Variants in PNPLA7 observed in about 807,000 individuals in gnomAD.
The protein encoded by PNPLA7 is patatin like domain 7, lysophospholipase, also known as patatin-like phospholipase domain-containing protein 7.
In PNPLA7, 153 loss-of-function variants were observed where a neutral mutation model predicts 161.7. That is an observed-to-expected ratio of 0.95 (90% CI 0.83 to 1.08). The LOEUF is 1.08. Among genes scored for constraint, PNPLA7 ranks in the 50% least tolerant of loss-of-function variants. The pLI is 0.00. For missense variants in PNPLA7, 1,739 were observed against 1,856.6 expected (o/e 0.94, Z 1.16); for synonymous variants, 809 against 782.1 (o/e 1.03, Z -0.57).
rs775191146 is a variant in PNPLA7 at position 137,547,805 on chromosome 9, C to T, written c.31-146G>A. The T allele has an allele frequency of 7.6e-5, 58 of 762,034 alleles. No homozygotes were observed. Among genetic ancestry groups the T allele is most frequent in the Admixed American group, 4.5e-4 (19 of 42,578 alleles). 47.2% of individuals were successfully genotyped at this position (762,034 alleles called of 1,614,324 possible). On this transcript the variant is annotated intron_variant, in intron 1 of 34. Transcript: ENST00000406427. This position sits in a 1 kb window ranked among gnomAD's most constrained non-coding sequence, Gnocchi z 4.6. ...GAAGAAGTGATCTCGCCCGGGGTGC[C>T]GGGGTCCTCTGAGCCCCCTGCTAGG...
intron 30 of PNPLA7, 109 bp downstream of exon 30, chr9:137,462,576 C>T: frequency 2.0e-6 from 3 of 1,474,682 alleles, no homozygotes; most frequent in Non-Finnish European, 2.7e-6. Context: ...GGCCCCAGAC[C>T]TGCTGGCCTC....
chr9:137,542,879 G>A (rs1436069534), intron 6 of PNPLA7, 78 bp from the exon 7 acceptor site: 5 of 1,490,518 alleles, frequency 3.4e-6, no homozygotes, highest in South Asian at 2.5e-5. Context: ...GAGAGCACAC[G>A]GTCACTGACC....
At chr9:137,494,202 C>T (rs573518666) in intron 19 of PNPLA7, among the ~76,000 whole-genome samples, 13 of 152,326 alleles carry the variant, frequency 8.5e-5, no homozygotes, top group East Asian at 3.9e-4. Flanking sequence ...GCCCCTCTGC[C>T]GGTCCTTCCT....
chr9:137,550,251 C>A lies in PNPLA7; in HGVS notation c.-54G>T, dbSNP rs1369698080. 2 of 1,600,880 alleles carry A rather than the reference C, an allele frequency of 1.2e-6. No individual in the cohort carries two copies. Among genetic ancestry groups the A allele is most frequent in the Non-Finnish European group, 1.7e-6 (2 of 1,169,058 alleles). On this transcript the variant is annotated 5_prime_UTR_variant, in exon 1 of 35. Transcript: ENST00000406427. The stretch of plus-strand genomic sequence containing the variant: ...CGAAAAGCAGACAGCCTGAAGCAAA[C>A]AAGGGCACACCTCTACCCGCTCATG...
In PNPLA7 at chr9:137,478,149, C is replaced by A; in HGVS notation, c.2767G>T (p.Glu923Ter). Residue 923 changes from glutamate (E) to a stop codon, truncating the protein, a stop_gained, in exon 25 of 35, where the codon GAG (glutamate) becomes TAG (stop). Transcript: ENST00000406427. LOFTEE classifies it high-confidence loss of function. ...CGCTGGAAGACATGCTTGTACATCT[C>A]CACCTGGGGGAGGAGCCGTCAGGCA... is the stretch of plus-strand genomic sequence containing the variant. ...FSRRSLPKLV[E>*]MYKHVFQRPP... The A allele has an allele frequency of 7.7e-7, 1 of 1,299,460 alleles. No individual in the cohort carries two copies. The highest frequency in any genetic ancestry group is 9.9e-7 in the Non-Finnish European group (1 of 1,014,062). The allele number at this position is 1,299,460 out of a possible 1,614,324, so 80.5% of individuals were successfully genotyped here.
chr9:137,541,816 C>T lies in PNPLA7; in HGVS notation c.666+826G>A, dbSNP rs893073160. Among the ~76,000 whole-genome samples the T allele has an allele frequency of 6.6e-6, 1 of 152,034 alleles. No individual in the cohort carries two copies. The highest frequency in any genetic ancestry group is 2.4e-5 in the African/African-American group (1 of 41,392). ...TTTTTTTTTGAGACAGGGTCTCGCT[C>T]TGTCGCCCAGGCTGGAGTGCAGTGG... is the stretch of plus-strand genomic sequence containing the variant. On this transcript the variant is annotated intron_variant, in intron 7 of 34. Transcript: ENST00000406427. The surrounding 1 kb of genome is among the most constrained non-coding windows in gnomAD (Gnocchi z 4.4).
intron 19 of PNPLA7, 41 bp from the exon 20 acceptor site, chr9:137,493,123 CTG>C (rs780215225): frequency 6.3e-6 from 10 of 1,594,108 alleles, no homozygotes; most frequent in Non-Finnish European, 6.9e-6. Flanking sequence ...ACGTTTTAAA[CTG>C]AGAAACACTG....
chr9:137,541,041 G>A lies in PNPLA7; in HGVS notation c.667-319C>T, dbSNP rs1018083273. ...TTGCTGAGCTAACTATAAGGACTCC[G>A]AGGACCGATTCAGTTATTACCAGCC... On this transcript the variant is annotated intron_variant, in intron 7 of 34. Coordinates refer to ENST00000406427, the MANE Select transcript of PNPLA7 (RefSeq NM_001098537.3). This position sits in a 1 kb window ranked among gnomAD's most constrained non-coding sequence, Gnocchi z 4.4. Among the ~76,000 whole-genome samples the A allele has an allele frequency of 1.3e-5, 2 of 152,200 alleles. No individual in the cohort carries two copies. Among genetic ancestry groups the A allele is most frequent in the African/African-American group, 2.4e-5 (1 of 41,442 alleles).
At chr9:137,485,727 C>G (rs1261309870) in intron 20 of PNPLA7, among the ~76,000 whole-genome samples, 1 of 152,238 alleles carries the variant, frequency 6.6e-6, no homozygotes, top group Non-Finnish European at 1.5e-5. Context: ...GTGAGGGTGT[C>G]AAGGCAGACC....
chr9:137,484,671 A>C lies in PNPLA7; in HGVS notation c.2263T>G (p.Ser755Ala). The C allele has an allele frequency of 6.2e-7, 1 of 1,612,520 alleles. No individual in the cohort carries two copies. ...WDLGNPAVNL[S>A]TVAVMPVSEE... ...GACACGGGCATCACTGCCACCGTGG[A>C]CAGGTTGACAGCCGGGTTCCCCAAG... The change falls in exon 21 of 35, where the codon TCC becomes GCC. Residue 755 changes from serine to alanine, a missense_variant. Physicochemically the swap from Ser to Ala is moderately conservative, Grantham distance 99 (BLOSUM62 1). Around this residue, in one of 6 missense-constraint regions of PNPLA7, gnomAD observed 192 missense variants for 249.5 expected, o/e 0.77. Coordinates refer to ENST00000406427, the MANE Select transcript of PNPLA7 (RefSeq NM_001098537.3).
chr9:137,501,028 T>C (rs1588614743), intron 15 of PNPLA7, 132 bp from the exon 16 acceptor site: 5 of 690,128 alleles, frequency 7.2e-6, no homozygotes, highest in African/African-American at 5.4e-5. Context: ...GCTCTGGGCA[T>C]GGACTTCACT....
chr9:137,494,246 G>A (rs1401026586), intron 19 of PNPLA7, among the ~76,000 whole-genome samples: 1 of 151,894 alleles, frequency 6.6e-6, no homozygotes, highest in East Asian at 1.9e-4. Context: ...CTGCACTTCC[G>A]AGCAGCCCGC....
At chr9:137,502,222 G>T (rs1373491154) in intron 14 of PNPLA7, among the ~76,000 whole-genome samples, 1 of 152,150 alleles carries the variant, frequency 6.6e-6, no homozygotes, top group Non-Finnish European at 1.5e-5. Flanking sequence ...GGAGCCTGTG[G>T]AGAGGCCCTG....
At chr9:137,485,281 G>C (rs1336413905) in intron 20 of PNPLA7, among the ~76,000 whole-genome samples, 2 of 152,214 alleles carry the variant, frequency 1.3e-5, no homozygotes, top group African/African-American at 4.8e-5. Context: ...GAGTAAACCA[G>C]ACAAACGCTG....
chr9:137,470,213 A>G (rs1326501196), intron 25 of PNPLA7, among the ~76,000 whole-genome samples: 2 of 151,984 alleles, frequency 1.3e-5, no homozygotes, highest in African/African-American at 4.8e-5. Context: ...ATGGGGTCTC[A>G]CTATGTTGCC....
Position 137,547,750 on chromosome 9 carries a change from G to A in PNPLA7, c.31-91C>T. 2 of 1,239,180 alleles carry A rather than the reference G, an allele frequency of 1.6e-6. No homozygotes were observed. Among genetic ancestry groups the A allele is most frequent in the Non-Finnish European group, 2.4e-6 (2 of 842,782 alleles). The allele number at this position is 1,239,180 out of a possible 1,614,324, so 76.8% of individuals were successfully genotyped here. A position where few individuals can be genotyped will look rare whatever the true frequency, so the allele number is the denominator to read the frequency against. ...AGCAGGAGGAGAGCTGGGAGTTAGG[G>A]GAGAAGTCAGCAGCCCTGGAGACTT... is the stretch of plus-strand genomic sequence containing the variant. On this transcript the variant is annotated intron_variant, in intron 1 of 34. Transcript: ENST00000406427. The surrounding 1 kb of genome is among the most constrained non-coding windows in gnomAD (Gnocchi z 4.6).
In PNPLA7 at chr9:137,468,206, G is replaced by A. The variant is rs1378208916; in HGVS notation, c.2883-733C>T. On this transcript the variant is annotated intron_variant, in intron 25 of 34. Transcript: ENST00000406427. The surrounding 1 kb of genome is among the most constrained non-coding windows in gnomAD (Gnocchi z 4.0). ...ACCCCCGAGACCAGGGGGCACCCCC[G>A]AGACCAGGCAGCCGGCACCCAGGGC... Among the ~76,000 whole-genome samples, 6 of 151,674 alleles carry A rather than the reference G, an allele frequency of 4.0e-5. No individual in the cohort carries two copies. The highest frequency in any genetic ancestry group is 7.4e-5 in the Non-Finnish European group (5 of 67,934).
In PNPLA7 at chr9:137,490,920, T is replaced by C. The variant is rs957730133; in HGVS notation, c.2197+2093A>G. Among the ~76,000 whole-genome samples, 1 of 152,158 alleles carries C rather than the reference T, an allele frequency of 6.6e-6. No individual in the cohort carries two copies. Among genetic ancestry groups the C allele is most frequent in the Non-Finnish European group, 1.5e-5 (1 of 68,030 alleles). Reference sequence around the variant, plus strand: ...GGGGAAGGATGAAGTGACTGAACAATGGTGAGCTCTCCACATTCCACTTAA... The same window carrying C: ...GGGGAAGGATGAAGTGACTGAACAACGGTGAGCTCTCCACATTCCACTTAA... On this transcript the variant is annotated intron_variant, in intron 20 of 34. Transcript: ENST00000406427. This position sits in a 1 kb window ranked among gnomAD's most constrained non-coding sequence, Gnocchi z 4.1.
intron 12 of PNPLA7, among the ~76,000 whole-genome samples, chr9:137,510,723 G>A (rs1050997023): frequency 1.3e-5 from 2 of 151,962 alleles, no homozygotes; most frequent in Non-Finnish European, 2.9e-5. Flanking sequence ...CTCTCTCATC[G>A]CCGCACACAG....
Sources: gnomAD v4.1 joint callset for allele counts (sites outside exome capture counted in the v4.1 genomes callset) on GRCh38, gnomAD v4.1.1 for gene constraint, gnomAD v4.1.1 regional missense constraint, Gnocchi (gnomAD v3.1) non-coding constraint, MANE v1.5 for transcripts, NCBI Gene and HGNC (gene_info 2026-07-23, HGNC 2026-07-21) for gene names.